Variants in EML5 observed in about 807,000 individuals in gnomAD.
EML5 encodes echinoderm microtubule-associated protein-like 5.
Under a neutral mutation model 250.0 loss-of-function variants are expected in EML5, and 120 were observed. The ratio of observed to expected loss-of-function variants is 0.48; its 90% confidence interval spans 0.41 to 0.56. EML5 has a LOEUF of 0.56. EML5 is among the 20% of genes least tolerant of loss of function. The pLI is 0.00. For missense variants in EML5, 2,006 were observed against 2,437.6 expected (o/e 0.82, Z 3.73); for synonymous variants, 771 against 806.5 (o/e 0.96, Z 0.75).
intron 25 of EML5, 124 bp downstream of exon 25, chr14:88,661,530 C>A: frequency 2.3e-6 from 2 of 860,578 alleles, no homozygotes; most frequent in Non-Finnish European, 1.7e-6. Context: ...AATTCTGAAC[C>A]TTTCATATTA....
chr14:88,767,622 A>G (rs2094337708), intron 1 of EML5, among the ~76,000 whole-genome samples: 1 of 151,974 alleles, frequency 6.6e-6, no homozygotes, highest in Non-Finnish European at 1.5e-5. Flanking sequence ...ATTTTTTTGC[A>G]TATGTGTGTC....
chr14:88,766,808 C>T (rs1013607067), intron 1 of EML5, among the ~76,000 whole-genome samples: 5 of 152,072 alleles, frequency 3.3e-5, no homozygotes, highest in Non-Finnish European at 7.4e-5. Context: ...CCCCCAGACA[C>T]CCAGCTTTAA....
At chr14:88,630,339 C>T (rs1181961669) in intron 33 of EML5, among the ~76,000 whole-genome samples, 5 of 152,056 alleles carry the variant, frequency 3.3e-5, no homozygotes, top group Non-Finnish European at 5.9e-5. Flanking sequence ...CTAATAAAAA[C>T]TTTATTTTAA....
At chr14:88,697,310 C>T (rs2093101709) in intron 14 of EML5, among the ~76,000 whole-genome samples, 1 of 152,104 alleles carries the variant, frequency 6.6e-6, no homozygotes, top group African/African-American at 2.4e-5. Context: ...AAAAACAGGA[C>T]ATTATCAATG....
intron 28 of EML5, 32 bp downstream of exon 28, chr14:88,649,880 G>C (rs1355430063): frequency 1.4e-6 from 2 of 1,462,874 alleles, no homozygotes; most frequent in Admixed American, 5.0e-5. Context: ...GTAAATTTTT[G>C]AATAAAATAT....
chr14:88,699,122 T>C (rs1405309750), intron 14 of EML5, among the ~76,000 whole-genome samples: 2 of 151,886 alleles, frequency 1.3e-5, no homozygotes, highest in East Asian at 3.9e-4. Flanking sequence ...AAGGGAGAGG[T>C]TGGGAGAGTT....
rs2092183176 is a variant in EML5 at position 88,663,136 on chromosome 14, A to T, written c.3410-17T>A. 6.6e-7 allele frequency: 1 copy of T among 1,508,000 alleles called. No individual in the cohort carries two copies. The highest frequency in any genetic ancestry group is 8.9e-7 in the Non-Finnish European group (1 of 1,118,410). The allele number at this position is 1,508,000 out of a possible 1,614,324, so 93.4% of individuals were successfully genotyped here. On this transcript the variant is annotated splice_polypyrimidine_tract_variant and intron_variant, in intron 23 of 43. Coordinates refer to ENST00000554922, the MANE Select transcript of EML5 (RefSeq NM_183387.3). ...AAAGCTTTCCTTCAAAAAAATTTTT[A>T]AAAATATTTACACATATAAAATACA... is the stretch of plus-strand genomic sequence containing the variant.
At chr14:88,634,555 A>G in intron 32 of EML5, 66 bp from the exon 33 acceptor site, 3 of 911,254 alleles carry the variant, frequency 3.3e-6, no homozygotes, top group East Asian at 3.0e-5. Flanking sequence ...CCCAAATATC[A>G]TATTAATTAT....
chr14:88,758,998 G>A (rs2094200500), intron 1 of EML5, among the ~76,000 whole-genome samples: 1 of 152,196 alleles, frequency 6.6e-6, no homozygotes, highest in African/African-American at 2.4e-5. Flanking sequence ...GTGCTGGAAG[G>A]AGAGGAGAAT....
chr14:88,728,393 ACTACTAGTAGC>A (rs2140107502), intron 7 of EML5, among the ~76,000 whole-genome samples: 2 of 152,272 alleles, frequency 1.3e-5, no homozygotes, highest in South Asian at 4.1e-4. Context: ...CAAAAACTTA[ACTACTAGTAGC>A]CTACTGTTGA....
In EML5 at chr14:88,759,771, T is replaced by C. The variant is rs964235153; in HGVS notation, c.198-5100A>G. Among the ~76,000 whole-genome samples the C allele has an allele frequency of 2.0e-5, 3 of 148,676 alleles. No individual in the cohort carries two copies. The South Asian group carries it at 6.4e-4, about 32-fold the overall frequency. ...AAATCTTCATACAATAGAACAGAGG[T>C]ATTCAAAGTCAAGTTAGAGAAAAAG... On this transcript the variant is annotated intron_variant, in intron 1 of 43. Transcript: ENST00000554922.
At chr14:88,687,765 C>CAA (rs71456657) in intron 18 of EML5, among the ~76,000 whole-genome samples, 11 of 151,094 alleles carry the variant, frequency 7.3e-5, no homozygotes, top group African/African-American at 1.7e-4. Context: ...TAAAAAAAAA[C>CAA]AAAAAAAACA....
chr14:88,664,145 G>A (rs932859106), intron 23 of EML5, among the ~76,000 whole-genome samples: 1 of 151,512 alleles, frequency 6.6e-6, no homozygotes, highest in Admixed American at 6.6e-5. Context: ...AGGCATGGTG[G>A]TGCATGCCTG....
intron 8 of EML5, among the ~76,000 whole-genome samples, chr14:88,721,353 T>C (rs1043902972): frequency 3.9e-5 from 6 of 152,078 alleles, no homozygotes; most frequent in African/African-American, 1.4e-4. Flanking sequence ...ATCACGCTAC[T>C]GAACCTCAAA....
Position 88,696,709 on chromosome 14 carries a change from G to GT in EML5, c.2344+137_2344+138insA, listed in dbSNP as rs369938799. On this transcript the variant is annotated intron_variant, in intron 15 of 43. Coordinates refer to ENST00000554922, the MANE Select transcript of EML5 (RefSeq NM_183387.3). ...CCACACTTTCATAGTATTTGATAAG[G>GT]ATAACAGTATACACATTTGATAAAA... 49 of 497,198 alleles carry GT rather than the reference G, an allele frequency of 9.9e-5. 1 individual carries two copies. The highest frequency in any genetic ancestry group is 9.0e-4 in the African/African-American group (46 of 50,836). 30.8% of individuals were successfully genotyped at this position (497,198 alleles called of 1,614,324 possible).
intron 37 of EML5, 52 bp downstream of exon 37, chr14:88,622,552 A>G: frequency 7.1e-7 from 1 of 1,404,948 alleles, no homozygotes; most frequent in South Asian, 1.5e-5. Flanking sequence ...AATCACAGTA[A>G]TAACCACTTT....
At chr14:88,770,429 T>C (rs917077643) in intron 1 of EML5, among the ~76,000 whole-genome samples, 3 of 152,156 alleles carry the variant, frequency 2.0e-5, no homozygotes, top group African/African-American at 7.2e-5. Context: ...TTCCTCATAA[T>C]AGATATTCAG....
intron 21 of EML5, among the ~76,000 whole-genome samples, chr14:88,678,790 G>C (rs569023587): frequency 6.6e-6 from 1 of 152,242 alleles, no homozygotes; most frequent in South Asian, 2.1e-4. Context: ...TCTTATTCTA[G>C]CTTGAAGACT....
intron 23 of EML5, among the ~76,000 whole-genome samples, 168 bp downstream of exon 23, chr14:88,664,323 CTA>C (rs1300217644): frequency 6.6e-6 from 1 of 151,086 alleles, no homozygotes; most frequent in Non-Finnish European, 1.5e-5. Context: ...AGTCTCAACT[CTA>C]TAGTATTCAT....
Sources: gnomAD v4.1 joint callset for allele counts (sites outside exome capture counted in the v4.1 genomes callset) on GRCh38, gnomAD v4.1.1 for gene constraint, MANE v1.5 for transcripts, NCBI Gene and HGNC (gene_info 2026-07-23, HGNC 2026-07-21) for gene names.